Variants in CD34 observed in about 807,000 individuals in gnomAD.
CD34 encodes the protein CD34 molecule, also known as hematopoietic progenitor cell antigen CD34.
In CD34, 34 loss-of-function variants were observed where a neutral mutation model predicts 40.1. The ratio of observed to expected loss-of-function variants is 0.85; its 90% CI spans 0.65 to 1.13. The LOEUF is 1.13. Ranked by LOEUF, CD34 falls within the 50% of genes most tolerant of loss-of-function variation. CD34 has a pLI of 0.00. For missense variants in CD34, 426 were observed against 466.9 expected (o/e 0.91, Z 0.81); for synonymous variants, 209 against 190.0 (o/e 1.10, Z -0.82).
chr1:207,887,989 G>T, intron 7 of CD34, 66 bp from the exon 8 acceptor site: 1 of 1,568,704 alleles, frequency 6.4e-7, no homozygotes, highest in Non-Finnish European at 8.7e-7. Flanking sequence ...GGATGGGAGA[G>T]GGGCCCAAAC....
rs1212195813 is a variant in CD34 at position 207,887,796 on chromosome 1, G to T, written c.1100C>A (p.Ala367Asp). 6.2e-7 allele frequency: 1 copy of T among 1,614,050 alleles called. No homozygotes were observed. The highest frequency in any genetic ancestry group is 8.5e-7 in the Non-Finnish European group (1 of 1,180,030). The change falls in exon 8 of 8, where the codon GCC becomes GAC. Residue 367 changes from alanine (A) to aspartate (D), a missense_variant. Coordinates refer to ENST00000310833, the MANE Select transcript of CD34 (RefSeq NM_001025109.2). ...RGAQENGTGQ[A>D]TSRNGHSARQ... ...TGCTGAATGGCCGTTTCTGGAGGTGGCCTGGCCGGTCCCGTTTTCCTGAGC... is the reference window on the plus strand; with the variant it reads ...TGCTGAATGGCCGTTTCTGGAGGTGTCCTGGCCGGTCCCGTTTTCCTGAGC...
At chr1:207,898,109 G>C (rs190713220) in intron 3 of CD34, among the ~76,000 whole-genome samples, 1 of 151,856 alleles carries the variant, frequency 6.6e-6, no homozygotes, top group African/African-American at 2.4e-5. Context: ...TCAGTGGCAT[G>C]ATCTTGGCTC....
In CD34 at chr1:207,884,977, T is replaced by C. The variant is rs1008003881; in HGVS notation, c.*2761A>G. 3 of 152,172 alleles carry C rather than the reference T, an allele frequency of 2.0e-5. No individual in the cohort carries two copies. The East Asian group carries it at 5.8e-4, about 29-fold the overall frequency. The allele number at this position is 152,172 out of a possible 1,614,324, so 9.4% of individuals were successfully genotyped here. ...TCGGCAGAAGAGTAGGATGATATGA[T>C]GGAAGGGAAAACTACAGATTCAGGA... On this transcript the variant is annotated 3_prime_UTR_variant, in exon 8 of 8. Coordinates refer to ENST00000310833, the MANE Select transcript of CD34 (RefSeq NM_001025109.2).
intron 4 of CD34, chr1:207,890,556 C>T (rs887638434): frequency 6.6e-6 from 1 of 152,284 alleles, no homozygotes; most frequent in Non-Finnish European, 1.5e-5. Flanking sequence ...AGGGTCCTCC[C>T]AGTTGGAATG....
In CD34 at chr1:207,902,908, G is replaced by A. The variant is rs191370417; in HGVS notation, c.80-2905C>T. The stretch of plus-strand genomic sequence containing the variant: ...CAGCCCCTCCACCCACCACCAGGCC[G>A]AGCGCTGTGGAATGAGTAGCAGGAT... On this transcript the variant is annotated intron_variant, in intron 1 of 7. Transcript: ENST00000310833. 9.2e-5 allele frequency among the ~76,000 whole-genome samples: 14 copies of A among 152,254 alleles called. No individual in the cohort carries two copies. The East Asian group carries it at 1.2e-3, about 13-fold the overall frequency.
chr1:207,908,800 T>G (rs1320447886), intron 1 of CD34, among the ~76,000 whole-genome samples: 1 of 152,220 alleles, frequency 6.6e-6, no homozygotes, highest in East Asian at 1.9e-4. Context: ...AGCCCACTTC[T>G]GGTTAGTTGC....
At position 207,884,135 on chromosome 1, in the gene CD34, T is replaced by G. The variant is rs1661856732; in HGVS notation, c.*3603A>C. ...ACTTGGCAGCTTTTCATCATAGGGC[T>G]TTGCACTTGTCCTTTCCCCTGTGTG... On this transcript the variant is annotated 3_prime_UTR_variant, in exon 8 of 8. Transcript: ENST00000310833. 1 of 152,170 alleles carries G rather than the reference T, an allele frequency of 6.6e-6. No homozygotes were observed. The highest frequency in any genetic ancestry group is 2.1e-4 in the South Asian group (1 of 4,824). The allele number at this position is 152,170 out of a possible 1,614,324, so 9.4% of individuals were successfully genotyped here. A position where few individuals can be genotyped will look rare whatever the true frequency, so the allele number is the denominator to read the frequency against.
At chr1:207,892,550 C>A (rs1662060330) in intron 4 of CD34, among the ~76,000 whole-genome samples, 1 of 151,556 alleles carries the variant, frequency 6.6e-6, no homozygotes, top group African/African-American at 2.4e-5. Context: ...CTACACTCTG[C>A]ACTCCGGCCT....
intron 4 of CD34, among the ~76,000 whole-genome samples, chr1:207,895,523 T>C (rs1246616973): frequency 1.3e-5 from 2 of 152,156 alleles, no homozygotes; most frequent in African/African-American, 4.8e-5. Flanking sequence ...ACTACCTCAA[T>C]CTTAGAGGAA....
intron 4 of CD34, among the ~76,000 whole-genome samples, chr1:207,894,269 AG>A (rs60313601): frequency 1.0e-3 from 152 of 152,368 alleles, no homozygotes; most frequent in Non-Finnish European, 1.9e-3. Flanking sequence ...TGGACTTTAA[AG>A]ACATTATACT....
intron 1 of CD34, 88 bp downstream of exon 1, chr1:207,910,914 A>T: frequency 7.6e-7 from 1 of 1,321,196 alleles, no homozygotes; most frequent in Non-Finnish European, 1.0e-6. Flanking sequence ...TCCCTCCGTG[A>T]GACTCTGCTC....
chr1:207,897,904 T>C (rs1239125145), intron 3 of CD34, among the ~76,000 whole-genome samples: 2 of 152,126 alleles, frequency 1.3e-5, no homozygotes, highest in Admixed American at 1.3e-4. Flanking sequence ...TTGTTTTCTC[T>C]CCAGTCAATC....
Position 207,896,741 on chromosome 1 carries a change from A to AT in CD34, c.597+751dup, listed in dbSNP as rs201169158. 8.1e-3 allele frequency among the ~76,000 whole-genome samples: 1,232 copies of AT among 152,086 alleles called. 17 individuals carry two copies. The highest frequency in any genetic ancestry group is 0.028 in the African/African-American group (1,151 of 41,516). On this transcript the variant is annotated intron_variant, in intron 4 of 7. Transcript: ENST00000310833. ...TCAAATTTTAAAGCATTTTTTTTGC[A>AT]TTTTTTTCAAAAAGAAAAAAATAAT...
intron 6 of CD34, 50 bp from the exon 7 acceptor site, chr1:207,888,896 G>A (rs893912152): frequency 6.3e-7 from 1 of 1,576,594 alleles, no homozygotes; most frequent in East Asian, 2.2e-5. Flanking sequence ...CAAAAGTGGA[G>A]CCCAGCCCGC....
chr1:207,884,740 A>G lies in CD34; in HGVS notation c.*2998T>C, dbSNP rs1439657378. 1 of 152,132 alleles carries G rather than the reference A, an allele frequency of 6.6e-6. No homozygotes were observed. Among genetic ancestry groups the G allele is most frequent in the Non-Finnish European group, 1.5e-5 (1 of 68,002 alleles). 9.4% of individuals were successfully genotyped at this position (152,132 alleles called of 1,614,324 possible). A position where few individuals can be genotyped will look rare whatever the true frequency, so the allele number is the denominator to read the frequency against. ...TCCATAGTCAACAGTGTAATACCCT[A>G]CAGCTAATTTTCCTGGGCTCACTGT... On this transcript the variant is annotated 3_prime_UTR_variant, in exon 8 of 8. Coordinates refer to ENST00000310833, the MANE Select transcript of CD34 (RefSeq NM_001025109.2).
intron 1 of CD34, among the ~76,000 whole-genome samples, chr1:207,907,719 G>A (rs544066302): frequency 6.6e-6 from 1 of 152,206 alleles, no homozygotes; most frequent in African/African-American, 2.4e-5. Context: ...CAACATGCAC[G>A]CATCTTTCTC....
chr1:207,898,071 T>TTTATTTA (rs1172643627), intron 3 of CD34, among the ~76,000 whole-genome samples: 3 of 86,840 alleles, frequency 3.5e-5, no homozygotes, highest in African/African-American at 1.7e-4. Context: ...TTATTTATTT[T>TTTATTTA]GAGATCGAGT....
At position 207,887,446 on chromosome 1, in the gene CD34, T is replaced by C. The variant is rs1299610063; in HGVS notation, c.*292A>G. ...GTAGGGGAAGGGGGTCCTGTGTGAG[T>C]GCTGCAAGGCCATCGATTGTTCCTG... On this transcript the variant is annotated 3_prime_UTR_variant, in exon 8 of 8. Transcript: ENST00000310833. 5.7e-6 allele frequency: 2 copies of C among 352,064 alleles called. No individual in the cohort carries two copies. The allele number at this position is 352,064 out of a possible 1,614,324, so 21.8% of individuals were successfully genotyped here.
Position 207,887,698 on chromosome 1 carries a change from C to T in CD34, c.*40G>A. The T allele has an allele frequency of 6.2e-7, 1 of 1,611,592 alleles. No homozygotes were observed. The highest frequency in any genetic ancestry group is 8.5e-7 in the Non-Finnish European group (1 of 1,178,506). On this transcript the variant is annotated 3_prime_UTR_variant, in exon 8 of 8. Transcript: ENST00000310833. The stretch of plus-strand genomic sequence containing the variant: ...ACGTGGTCAGATGCAGAGAGGGGTG[C>T]TCTCTCGGACACTGCCCAGCCTTGC...
Sources: allele counts gnomAD v4.1 joint callset (sites outside exome capture counted in the v4.1 genomes callset), GRCh38; gene constraint gnomAD v4.1.1; transcripts MANE v1.5; gene names NCBI Gene and HGNC (gene_info 2026-07-23, HGNC 2026-07-21).